The following CRACR2A variants were observed in gnomAD, a reference collection of about 807,000 sequenced individuals.
CRACR2A encodes the protein EF-hand calcium-binding domain-containing protein 4B.
In CRACR2A, 79 loss-of-function variants were observed where a neutral mutation model predicts 90.5. That is an observed-to-expected ratio of 0.87 (90% CI 0.73 to 1.05). CRACR2A has a LOEUF of 1.05. Ranked by LOEUF, CRACR2A falls within the 50% of genes least tolerant of loss-of-function variation. CRACR2A has a pLI of 0.00. For synonymous variants in CRACR2A, 338 were observed against 356.7 expected, an observed-to-expected ratio of 0.95 and a Z score of 0.59; for missense variants, 823 against 897.2, an observed-to-expected ratio of 0.92 and a Z score of 1.06.
chr12:3,742,032 A>G (rs547379631), intron 1 of CRACR2A, among the ~76,000 whole-genome samples: 2 of 152,318 alleles, frequency 1.3e-5, no homozygotes, highest in East Asian at 3.9e-4. Context: ...CAGGTTGCAG[A>G]CAGGCTGTGT....
chr12:3,698,944 GC>G (rs1297428897), intron 3 of CRACR2A, among the ~76,000 whole-genome samples: 1 of 152,098 alleles, frequency 6.6e-6, no homozygotes, highest in Non-Finnish European at 1.5e-5. Context: ...CACCCAAGAG[GC>G]CCCACCCTAC....
intron 17 of CRACR2A, among the ~76,000 whole-genome samples, chr12:3,620,999 C>T (rs979942542): frequency 1.1e-4 from 16 of 152,128 alleles, no homozygotes; most frequent in African/African-American, 3.6e-4. Flanking sequence ...TGCTGTGCCA[C>T]GGGATACTTG....
At chr12:3,678,685 A>C (rs1727063513) in intron 6 of CRACR2A, among the ~76,000 whole-genome samples, 1 of 152,012 alleles carries the variant, frequency 6.6e-6, no homozygotes, top group Non-Finnish European at 1.5e-5. Context: ...GGAGAATAGG[A>C]ATGATTCCTA....
rs2137332231 is a variant in CRACR2A at position 3,633,753 on chromosome 12, A to G, written c.1603-17T>C. The stretch of plus-strand genomic sequence containing the variant: ...GCTTTCCTCCTGTGGATGGCACACA[A>G]TCTGACCAACTGCAGGGAATAGTCT... On this transcript the variant is annotated splice_polypyrimidine_tract_variant and intron_variant, in intron 14 of 19. Coordinates refer to ENST00000440314, the MANE Select transcript of CRACR2A (RefSeq NM_001144958.2). The surrounding 1 kb of genome is among the most constrained non-coding windows in gnomAD (Gnocchi z 4.5). 6.4e-7 allele frequency: 1 copy of G among 1,551,428 alleles called. No individual in the cohort carries two copies. The highest frequency in any genetic ancestry group is 2.0e-5 in the Admixed American group (1 of 50,988).
At chr12:3,725,250 C>G in intron 2 of CRACR2A, among the ~76,000 whole-genome samples, 1 of 152,054 alleles carries the variant, frequency 6.6e-6, no homozygotes, top group East Asian at 1.9e-4. Context: ...CTTAAAACAA[C>G]AGATTTCTTC....
In CRACR2A at chr12:3,624,655, C is replaced by T. The variant is rs12316663; in HGVS notation, c.1932+2781G>A. ...AGCTCCTAGTGTGTGCTGGACATGC[C>T]GCAGATGTGTAGTAAAACCTTGGTG... On this transcript the variant is annotated intron_variant, in intron 17 of 19. Coordinates refer to ENST00000440314, the MANE Select transcript of CRACR2A (RefSeq NM_001144958.2). Among the ~76,000 whole-genome samples the T allele has an allele frequency of 1.8e-3, 277 of 152,276 alleles. 2 individuals carry two copies. The highest frequency in any genetic ancestry group is 6.1e-3 in the African/African-American group (255 of 41,540).
chr12:3,719,274 G>A (rs1028326871), intron 2 of CRACR2A, among the ~76,000 whole-genome samples: 2 of 152,068 alleles, frequency 1.3e-5, no homozygotes, highest in African/African-American at 2.4e-5. Context: ...TTTAAAAAAA[G>A]CATATTCCCC....
intron 17 of CRACR2A, among the ~76,000 whole-genome samples, chr12:3,626,554 T>A (rs1944264594): frequency 1.3e-5 from 2 of 152,232 alleles, no homozygotes; most frequent in African/African-American, 4.8e-5. Flanking sequence ...GTCTCTTTTA[T>A]TCACTGCTAG....
intron 2 of CRACR2A, among the ~76,000 whole-genome samples, chr12:3,719,013 G>A (rs2137800194): frequency 6.6e-6 from 1 of 152,316 alleles, no homozygotes; most frequent in African/African-American, 2.4e-5. Context: ...TGGGGAGACT[G>A]GGACCAGGTC....
intron 6 of CRACR2A, among the ~76,000 whole-genome samples, chr12:3,677,039 G>T (rs779276981): frequency 6.6e-6 from 1 of 151,946 alleles, no homozygotes; most frequent in African/African-American, 2.4e-5. Context: ...CTGCCAAATC[G>T]CTTAGCCAAT....
intron 6 of CRACR2A, 43 bp downstream of exon 6, chr12:3,678,872 T>G: frequency 6.4e-7 from 1 of 1,560,586 alleles, no homozygotes; most frequent in Non-Finnish European, 8.7e-7. Context: ...AAGAGGTTCC[T>G]ACCAGGCTGG....
intron 4 of CRACR2A, among the ~76,000 whole-genome samples, chr12:3,681,762 T>C (rs747553019): frequency 1.3e-5 from 2 of 152,202 alleles, no homozygotes; most frequent in African/African-American, 4.8e-5. Context: ...CATAACATAA[T>C]TGGCAAGAAT....
chr12:3,711,444 A>C lies in CRACR2A; in HGVS notation c.-37+1793T>G, dbSNP rs1328033313. ...TTGCAGGTTCTACCTTCTACAAAAC[A>C]CTGATGTGAGCACAACTTAGCCAAG... is the stretch of plus-strand genomic sequence containing the variant. On this transcript the variant is annotated intron_variant, in intron 3 of 19. Transcript: ENST00000440314. This position sits in a 1 kb window ranked among gnomAD's most constrained non-coding sequence, Gnocchi z 4.3. 6.6e-6 allele frequency among the ~76,000 whole-genome samples: 1 copy of C among 152,218 alleles called. No individual in the cohort carries two copies. The highest frequency in any genetic ancestry group is 1.5e-5 in the Non-Finnish European group (1 of 68,048).
chr12:3,695,918 A>T (rs952888780), intron 4 of CRACR2A, among the ~76,000 whole-genome samples: 3 of 152,258 alleles, frequency 2.0e-5, no homozygotes, highest in African/African-American at 7.2e-5. Flanking sequence ...TCAAACCAGG[A>T]GTGGGCAAAC....
intron 9 of CRACR2A, 24 bp downstream of exon 9, chr12:3,656,287 C>T: frequency 6.2e-7 from 1 of 1,611,120 alleles, no homozygotes; most frequent in Non-Finnish European, 8.5e-7. Flanking sequence ...GCCAGGTACT[C>T]TGGGGCCATG....
chr12:3,655,187 T>C (rs1440302000), intron 9 of CRACR2A, among the ~76,000 whole-genome samples: 2 of 152,200 alleles, frequency 1.3e-5, no homozygotes, highest in Non-Finnish European at 2.9e-5. Context: ...AAGAGGCTCC[T>C]GTGTAATCAG....
chr12:3,618,170 C>CAAAA lies in CRACR2A; in HGVS notation c.2034+1097_2034+1100dup, dbSNP rs60389598. ...CGAGTCTTAGTTTTTTTTTCACTAA[C>CAAAA]AAAAAAAAAAAAGAAAAGAAAAGAG... is the stretch of plus-strand genomic sequence containing the variant. On this transcript the variant is annotated intron_variant, in intron 18 of 19. Coordinates refer to ENST00000440314, the MANE Select transcript of CRACR2A (RefSeq NM_001144958.2). Among the ~76,000 whole-genome samples the CAAAA allele has an allele frequency of 5.2e-4, 67 of 128,410 alleles. 1 individual carries two copies. Among genetic ancestry groups the CAAAA allele is most frequent in the African/African-American group, 1.7e-3 (62 of 35,644 alleles). The allele number at this position is 128,410 out of a possible 152,430, so 84.2% of individuals were successfully genotyped here. A position where few individuals can be genotyped will look rare whatever the true frequency, so the allele number is the denominator to read the frequency against.
At chr12:3,714,556 G>C (rs887825207) in intron 2 of CRACR2A, among the ~76,000 whole-genome samples, 2 of 152,166 alleles carry the variant, frequency 1.3e-5, no homozygotes, top group Non-Finnish European at 2.9e-5. Context: ...GCTGACACCT[G>C]AGAAACTCAC....
intron 14 of CRACR2A, among the ~76,000 whole-genome samples, chr12:3,637,502 C>CT (rs1419392654): frequency 1.3e-5 from 2 of 152,214 alleles, no homozygotes; most frequent in South Asian, 2.1e-4. Context: ...CAATTTTCTC[C>CT]TTTTTTTCCT....
Sources: gnomAD v4.1 joint callset for allele counts (sites outside exome capture counted in the v4.1 genomes callset) on GRCh38, gnomAD v4.1.1 for gene constraint, Gnocchi (gnomAD v3.1) non-coding constraint, MANE v1.5 for transcripts, NCBI Gene and HGNC (gene_info 2026-07-23, HGNC 2026-07-21) for gene names.